TRPC4: variants seen among roughly 807,000 people sequenced by gnomAD.
TRPC4 encodes the protein short transient receptor potential channel 4.
TRPC4 carries 49 observed loss-of-function variants against 99.4 expected under a neutral mutation model. That is an observed-to-expected ratio of 0.49 (90% CI 0.39 to 0.63). The LOEUF (loss-of-function observed/expected upper bound fraction) is 0.63, where lower values mean the gene tolerates loss of function less well. TRPC4 is among the 20% of genes least tolerant of loss of function. TRPC4 has a pLI of 0.00. For synonymous variants in TRPC4, 454 were observed against 425.9 expected (o/e 1.07, Z -0.81); for missense variants, 898 against 1,152.9 (o/e 0.78, Z 3.20).
At chr13:37,805,041 T>C (rs187476172) in intron 1 of TRPC4, among the ~76,000 whole-genome samples, 1 of 152,172 alleles carries the variant, frequency 6.6e-6, no homozygotes, top group Non-Finnish European at 1.5e-5. Flanking sequence ...AAATATGTCA[T>C]AAATCGGTGA....
At chr13:37,802,680 G>C (rs1957432955) in intron 1 of TRPC4, among the ~76,000 whole-genome samples, 1 of 152,102 alleles carries the variant, frequency 6.6e-6, no homozygotes, top group African/African-American at 2.4e-5. Flanking sequence ...AAGTCAGTAA[G>C]TCCAGCTCAT....
At chr13:37,700,394 A>G (rs1954067236) in intron 3 of TRPC4, among the ~76,000 whole-genome samples, 1 of 152,178 alleles carries the variant, frequency 6.6e-6, no homozygotes, top group Admixed American at 6.5e-5. Flanking sequence ...GACATTTTCC[A>G]CACAGAGGAG....
chr13:37,672,301 C>G (rs1395033767), intron 5 of TRPC4, among the ~76,000 whole-genome samples: 1 of 152,088 alleles, frequency 6.6e-6, no homozygotes, highest in Non-Finnish European at 1.5e-5. Context: ...TAAATATTGT[C>G]TAAATAGATG....
rs1019487602 is a variant in TRPC4 at position 37,727,805 on chromosome 13, T to C, written c.897+18132A>G. Among the ~76,000 whole-genome samples the C allele has an allele frequency of 2.6e-5, 4 of 152,008 alleles. No homozygotes were observed. The East Asian group carries it at 7.7e-4, about 29-fold the overall frequency. On this transcript the variant is annotated intron_variant, in intron 3 of 10. Coordinates refer to ENST00000379705, the MANE Select transcript of TRPC4 (RefSeq NM_016179.4). ...AACAGATTGGATAACTTAAATAAAA[T>C]GAGCAAATTTTTGGAAACACAAAAC...
chr13:37,677,406 T>C (rs7336516), intron 4 of TRPC4, among the ~76,000 whole-genome samples: 92,727 of 151,402 alleles, frequency 0.61, 29,319 homozygotes, highest in East Asian at 0.8. Flanking sequence ...TGATCATATA[T>C]GAAAAAAGTA....
chr13:37,798,334 A>T (rs1304866063), intron 1 of TRPC4, among the ~76,000 whole-genome samples: 1 of 152,198 alleles, frequency 6.6e-6, no homozygotes, highest in African/African-American at 2.4e-5. Flanking sequence ...CTGCCTTCTT[A>T]AAAATTGAGG....
chr13:37,643,976 G>A (rs73456419), intron 8 of TRPC4, among the ~76,000 whole-genome samples: 5,135 of 152,026 alleles, frequency 0.034, 280 homozygotes, highest in African/African-American at 0.11. Flanking sequence ...GTATAATCTC[G>A]CCTTAACTAA....
chr13:37,828,153 C>G (rs1191752214), intron 1 of TRPC4, among the ~76,000 whole-genome samples: 2 of 152,196 alleles, frequency 1.3e-5, no homozygotes, highest in Non-Finnish European at 2.9e-5. Context: ...CGAGCACCCA[C>G]TGACCTGCAC....
At chr13:37,694,305 A>G (rs1326861651) in intron 3 of TRPC4, among the ~76,000 whole-genome samples, 1 of 152,226 alleles carries the variant, frequency 6.6e-6, no homozygotes. Flanking sequence ...ACACATTGAC[A>G]AAACACTGTA....
chr13:37,862,844 G>A lies in TRPC4; in HGVS notation c.-28+6751C>T, dbSNP rs543932019. 5.3e-5 allele frequency among the ~76,000 whole-genome samples: 8 copies of A among 151,534 alleles called. No homozygotes were observed. In the South Asian group the frequency reaches 6.2e-4, roughly 12 times the overall value. ...TGCTCGTGTGTGTGTGTATGTGTGCGTATGTGTAGACAGAGAAATACACAG... is the reference window on the plus strand; with the variant it reads ...TGCTCGTGTGTGTGTGTATGTGTGCATATGTGTAGACAGAGAAATACACAG... On this transcript the variant is annotated intron_variant, in intron 1 of 10. Coordinates refer to ENST00000379705, the MANE Select transcript of TRPC4 (RefSeq NM_016179.4).
chr13:37,653,530 G>A (rs1050718992), intron 7 of TRPC4, among the ~76,000 whole-genome samples: 3 of 152,068 alleles, frequency 2.0e-5, no homozygotes, highest in South Asian at 4.1e-4. Context: ...TGGCATGTTC[G>A]TGCCCCCAAG....
intron 3 of TRPC4, among the ~76,000 whole-genome samples, chr13:37,703,098 G>T (rs1035768769): frequency 6.6e-6 from 1 of 152,148 alleles, no homozygotes; most frequent in African/African-American, 2.4e-5. Context: ...CTGAGAGAAA[G>T]CATCTGAAAG....
At chr13:37,746,593 T>C (rs1955793449) in intron 2 of TRPC4, 138 bp from the exon 3 acceptor site, 3 of 918,210 alleles carry the variant, frequency 3.3e-6, no homozygotes, top group East Asian at 2.7e-5. Flanking sequence ...AGGAGAGATA[T>C]GGTCTTTTCC....
At chr13:37,823,195 C>T (rs1265219483) in intron 1 of TRPC4, among the ~76,000 whole-genome samples, 38 of 148,020 alleles carry the variant, frequency 2.6e-4, no homozygotes, top group East Asian at 6.1e-4. Flanking sequence ...GAGTAGGTTG[C>T]GAAAATTTTC....
At chr13:37,799,720 T>C (rs1957352148) in intron 1 of TRPC4, among the ~76,000 whole-genome samples, 1 of 152,216 alleles carries the variant, frequency 6.6e-6, no homozygotes, top group African/African-American at 2.4e-5. Flanking sequence ...AGGGGTTTAC[T>C]GCAATCACAT....
chr13:37,680,363 G>T (rs1028916076), intron 4 of TRPC4, among the ~76,000 whole-genome samples: 7 of 152,152 alleles, frequency 4.6e-5, no homozygotes, highest in Non-Finnish European at 1.0e-4. Context: ...TGATCAAGCG[G>T]CCAGGCTCAA....
intron 1 of TRPC4, among the ~76,000 whole-genome samples, chr13:37,861,730 G>A (rs1370096296): frequency 1.3e-5 from 2 of 151,522 alleles, no homozygotes; most frequent in Non-Finnish European, 3.0e-5. Flanking sequence ...AAAATGTTAA[G>A]CTGTGAGGTT....
At chr13:37,650,054 TAG>T (rs926884728) in intron 8 of TRPC4, among the ~76,000 whole-genome samples, 3 of 152,170 alleles carry the variant, frequency 2.0e-5, no homozygotes, top group African/African-American at 7.2e-5. Context: ...TCTTTGGAAT[TAG>T]AGTTGTTACT....
intron 2 of TRPC4, 66 bp from the exon 3 acceptor site, chr13:37,746,521 A>G: frequency 4.7e-6 from 7 of 1,498,982 alleles, no homozygotes; most frequent in Non-Finnish European, 6.2e-6. Flanking sequence ...AATTTCATAC[A>G]CCATGCTATA....
Sources: allele counts gnomAD v4.1 joint callset (sites outside exome capture counted in the v4.1 genomes callset), GRCh38; gene constraint gnomAD v4.1.1; transcripts MANE v1.5; gene names NCBI Gene and HGNC (gene_info 2026-07-23, HGNC 2026-07-21).